Variants in ANK3 observed in about 807,000 individuals in gnomAD.
The protein encoded by ANK3 is ankyrin-3.
In ANK3, 57 loss-of-function variants were observed where a neutral mutation model predicts 370.9. That is an observed-to-expected ratio of 0.15 (90% CI 0.12 to 0.19). The LOEUF (loss-of-function observed/expected upper bound fraction) is 0.19, where lower values mean the gene tolerates loss of function less well. ANK3 is among the 10% of genes least tolerant of loss of function. The probability of loss-of-function intolerance (pLI) is 1.00; values close to 1 mark genes in which losing one functional copy is unlikely to be tolerated. For missense variants in ANK3, 4,439 were observed against 5,302.1 expected (o/e 0.84, Z 5.06); for synonymous variants, 1,929 against 1,946.3 (o/e 0.99, Z 0.23).
intron 4 of ANK3, 27 bp downstream of exon 4, chr10:60,278,747 G>A: frequency 1.9e-6 from 3 of 1,562,208 alleles, no homozygotes; most frequent in Non-Finnish European, 2.6e-6. Flanking sequence ...ATAACAAAAT[G>A]TCTGTGGCAT....
At position 60,166,828 on chromosome 10, in the gene ANK3, A is replaced by G. The variant is rs1209882520; in HGVS notation, c.2547T>C (p.Asp849=). The G allele has an allele frequency of 1.1e-5, 18 of 1,613,816 alleles. No individual in the cohort carries two copies. Among genetic ancestry groups the G allele is most frequent in the Non-Finnish European group, 1.5e-5 (18 of 1,179,748 alleles). The change falls in exon 22 of 44, where the codon GAT becomes GAC. Residue 849 remains aspartate, a synonymous_variant. Coordinates refer to ENST00000280772, the MANE Select transcript of ANK3 (RefSeq NM_020987.5). ...TMNEVLDMSD[D]EVRKANAPEM... ...ACTCAAAGAACATTTTCATACCTTC[A>G]TCATCAGACATATCAAGAACTTCAT...
chr10:60,141,572 T>TTTG (rs1554993395), intron 23 of ANK3, among the ~76,000 whole-genome samples: 2 of 19,690 alleles, frequency 1.0e-4, no homozygotes, highest in Non-Finnish European at 4.3e-4. Context: ...TTTTTTTTTT[T>TTTG]TTTTTTTTTT....
chr10:60,369,369 G>A lies in ANK3; in HGVS notation c.114+20056C>T, dbSNP rs1032574352. On this transcript the variant is annotated intron_variant, in intron 1 of 43. Coordinates refer to ENST00000280772, the MANE Select transcript of ANK3 (RefSeq NM_020987.5). ...ACTAGAAGCTCAACATTATTAAATT[G>A]CAAGTTCAAGCTAACGTTCTGGGCT... 6.6e-5 allele frequency among the ~76,000 whole-genome samples: 10 copies of A among 152,100 alleles called. 1 individual carries two copies. The highest frequency in any genetic ancestry group is 2.4e-4 in the African/African-American group (10 of 41,424).
intron 28 of ANK3, among the ~76,000 whole-genome samples, chr10:60,093,994 T>A (rs958665405): frequency 2.6e-5 from 4 of 152,110 alleles, no homozygotes; most frequent in Non-Finnish European, 4.4e-5. Context: ...ATGTACATTT[T>A]AACAGTATTT....
Position 60,026,698 on chromosome 10 carries a change from T to C in ANK3, c.*3148A>G, listed in dbSNP as rs1176442758. The C allele has an allele frequency of 6.6e-6, 1 of 152,180 alleles. No homozygotes were observed. The allele number at this position is 152,180 out of a possible 1,614,324, so 9.4% of individuals were successfully genotyped here. A position where few individuals can be genotyped will look rare whatever the true frequency, so the allele number is the denominator to read the frequency against. Reference sequence around the variant, plus strand: ...TACAGAGGAAAGGAGGCTAGCTGCTTATGTGTTCAATGAAGTAATAGATGC... The same window carrying C: ...TACAGAGGAAAGGAGGCTAGCTGCTCATGTGTTCAATGAAGTAATAGATGC... On this transcript the variant is annotated 3_prime_UTR_variant, in exon 44 of 44. Coordinates refer to ENST00000280772, the MANE Select transcript of ANK3 (RefSeq NM_020987.5).
intron 1 of ANK3, among the ~76,000 whole-genome samples, chr10:60,322,578 T>A (rs2048900763): frequency 6.6e-6 from 1 of 152,170 alleles, no homozygotes; most frequent in Non-Finnish European, 1.5e-5. Flanking sequence ...ATCCCTTTCT[T>A]CCCCAAGGCC....
intron 35 of ANK3, 118 bp from the exon 36 acceptor site, chr10:60,080,736 G>A (rs2085002159): frequency 2.2e-6 from 2 of 889,882 alleles, no homozygotes. Flanking sequence ...CTTAGGAAAT[G>A]TTAATTTCCC....
At chr10:60,063,917 C>T (rs117560153) in intron 39 of ANK3, among the ~76,000 whole-genome samples, 220 of 152,236 alleles carry the variant, frequency 1.4e-3, no homozygotes, top group Middle Eastern at 3.4e-3. Context: ...AGGCCAGATG[C>T]GAAAAATTCC....
At chr10:60,473,863 G>A (rs937754157) in intron 2 of ANK3, among the ~76,000 whole-genome samples, 13 of 151,768 alleles carry the variant, frequency 8.6e-5, no homozygotes, top group African/African-American at 3.1e-4. Context: ...TAGGTGCAGA[G>A]GCTCACCTTT....
intron 2 of ANK3, among the ~76,000 whole-genome samples, chr10:60,457,298 G>A (rs1463301184): frequency 6.6e-6 from 1 of 152,104 alleles, no homozygotes; most frequent in Middle Eastern, 3.2e-3. Context: ...AACAATAAAT[G>A]TTGTCTCTTA....
At chr10:60,404,766 T>C (rs1439637792) in intron 2 of ANK3, among the ~76,000 whole-genome samples, 11 of 152,104 alleles carry the variant, frequency 7.2e-5, no homozygotes, top group Non-Finnish European at 1.3e-4. Context: ...AGCCCACTGT[T>C]AAGAAAATGA....
chr10:60,532,207 G>C (rs1379111527), intron 2 of ANK3, among the ~76,000 whole-genome samples: 1 of 152,174 alleles, frequency 6.6e-6, no homozygotes, highest in Non-Finnish European at 1.5e-5. Flanking sequence ...AAGAGACCCA[G>C]TTGCATACTT....
chr10:60,605,987 A>C (rs565747341), intron 2 of ANK3, among the ~76,000 whole-genome samples: 68 of 152,310 alleles, frequency 4.5e-4, no homozygotes, highest in African/African-American at 1.6e-3. Context: ...TCAAATTATC[A>C]GTCGAAAGTG....
chr10:60,332,504 G>T (rs575829462), intron 1 of ANK3, among the ~76,000 whole-genome samples: 3 of 152,262 alleles, frequency 2.0e-5, no homozygotes, highest in African/African-American at 7.2e-5. Flanking sequence ...ACTAATTTCT[G>T]CCAGTTGCAC....
intron 1 of ANK3, among the ~76,000 whole-genome samples, chr10:60,637,099 A>T (rs2078565324): frequency 6.6e-6 from 1 of 152,152 alleles, no homozygotes; most frequent in Non-Finnish European, 1.5e-5. Context: ...AGTCACCTTA[A>T]ATAATCCATT....
At chr10:60,318,830 A>C (rs2048027437) in intron 1 of ANK3, among the ~76,000 whole-genome samples, 1 of 152,242 alleles carries the variant, frequency 6.6e-6, no homozygotes, top group African/African-American at 2.4e-5. Context: ...TAGGATACTT[A>C]AATAACTGGA....
chr10:60,724,227 A>G (rs1440108765), intron 1 of ANK3, among the ~76,000 whole-genome samples: 4 of 149,970 alleles, frequency 2.7e-5, no homozygotes, highest in Non-Finnish European at 5.9e-5. Context: ...AAAAAAAAAA[A>G]AAAAAGAAAT....
Position 60,683,248 on chromosome 10 carries a change from A to C in ANK3, c.57+50015T>G, listed in dbSNP as rs76803657. 2.9e-3 allele frequency among the ~76,000 whole-genome samples: 445 copies of C among 152,372 alleles called. 3 individuals are homozygous for C. The highest frequency in any genetic ancestry group is 0.01 in the African/African-American group (423 of 41,586). On this transcript the variant is annotated intron_variant, in intron 1 of 43. Coordinates refer to the ANK3 transcript ENST00000373827. ...ATCACAACATCTGTTTAGTAAGATT[A>C]TTAACATAAAATAAGTGACAACTGA...
chr10:60,073,912 T>G lies in ANK3; in HGVS notation c.6969A>C (p.Lys2323Asn), dbSNP rs1440625580. Residue 2323 changes from lysine to asparagine, a missense_variant, in exon 37 of 44, where the codon AAA (lysine) becomes AAC (asparagine). This residue lies in a region of ANK3 where 1,601 missense variants were observed against 1,731.7 expected (regional missense o/e 0.92). Transcript: ENST00000280772. ...AQHAEKDNQM[K>N]PKLERIIEVH... ...CTTCTATTATACGCTCCAGTTTGGG[T>G]TTCATTTGGTTGTCCTTCTCTGCAT... The G allele has an allele frequency of 6.2e-7, 1 of 1,613,946 alleles. No individual in the cohort carries two copies. The highest frequency in any genetic ancestry group is 1.7e-5 in the Admixed American group (1 of 60,018).
Sources: gnomAD v4.1 joint callset for allele counts (sites outside exome capture counted in the v4.1 genomes callset) on GRCh38, gnomAD v4.1.1 for gene constraint, gnomAD v4.1.1 regional missense constraint, MANE v1.5 for transcripts, NCBI Gene and HGNC (gene_info 2026-07-23, HGNC 2026-07-21) for gene names.